Variants in POLRMT observed in about 807,000 individuals in gnomAD.
The protein encoded by POLRMT is DNA-directed RNA polymerase, mitochondrial.
In POLRMT, 114 loss-of-function variants were observed where a neutral mutation model predicts 132.2. That is an observed-to-expected ratio of 0.86 (90% CI 0.74 to 1.01). The LOEUF (loss-of-function observed/expected upper bound fraction) is 1.01, where lower values mean the gene tolerates loss of function less well. POLRMT is among the 50% of genes least tolerant of loss of function. The pLI is 0.00. For missense variants in POLRMT, 2,003 were observed against 1,729.1 expected (o/e 1.16, Z -2.81); for synonymous variants, 1,020 against 773.4 (o/e 1.32, Z -5.29).
chr19:621,975 A>C, intron 9 of POLRMT, 129 bp from the exon 10 acceptor site: 2 of 1,252,120 alleles, frequency 1.6e-6, no homozygotes, highest in Non-Finnish European at 2.2e-6. Flanking sequence ...CACGAACAGA[A>C]GCCACCTCCA....
At chr19:628,397 C>T (rs1206018926) in intron 3 of POLRMT, among the ~76,000 whole-genome samples, 2 of 152,218 alleles carry the variant, frequency 1.3e-5, no homozygotes, top group African/African-American at 4.8e-5. Flanking sequence ...AGGAACCAGG[C>T]AGCACGCCGC....
In POLRMT at chr19:622,590, C is replaced by T. The variant is rs1181060575; in HGVS notation, c.1618G>A (p.Asp540Asn). Residue 540 changes from aspartate to asparagine, a missense_variant, in exon 8 of 21, where the codon GAC (aspartate) becomes AAC (asparagine). By Grantham distance (23) the Asp-to-Asn change is conservative. Coordinates refer to ENST00000588649, the MANE Select transcript of POLRMT (RefSeq NM_005035.4). The part of the protein sequence containing the change: ...YRKYLCLLAS[D>N]AEVPEPCLPR... ...GGGGGTGCGAGCCTCACCTCGGCGT[C>T]GGAGGCCAGCAAGCAGAGGTACTTC... 2 of 1,600,714 alleles carry T rather than the reference C, an allele frequency of 1.2e-6. No individual in the cohort carries two copies. Among genetic ancestry groups the T allele is most frequent in the Non-Finnish European group, 1.7e-6 (2 of 1,173,708 alleles).
chr19:623,923 A>T (rs1383844002), intron 5 of POLRMT, among the ~76,000 whole-genome samples: 1 of 152,142 alleles, frequency 6.6e-6, no homozygotes, highest in African/African-American at 2.4e-5. Flanking sequence ...TTCTCCTCAA[A>T]CTCAGAACTG....
intron 3 of POLRMT, among the ~76,000 whole-genome samples, 200 bp downstream of exon 3, chr19:629,340 G>C (rs1435661111): frequency 6.6e-5 from 10 of 152,130 alleles, no homozygotes; most frequent in Non-Finnish European, 1.5e-4. Flanking sequence ...GGCATTAGCA[G>C]AATTTCTCCC....
At chr19:624,957 C>T (rs2144653443) in intron 4 of POLRMT, 52 bp from the exon 5 acceptor site, 1 of 1,563,196 alleles carries the variant, frequency 6.4e-7, no homozygotes, top group South Asian at 1.2e-5. Context: ...CGCTGGGCTT[C>T]CACAGACCCC....
intron 2 of POLRMT, among the ~76,000 whole-genome samples, chr19:631,155 T>TC (rs1309411638): frequency 9.6e-5 from 14 of 145,182 alleles, no homozygotes; most frequent in Non-Finnish European, 2.2e-4. Context: ...CAATAATCCA[T>TC]CTAAAAAAAA....
At position 624,720 on chromosome 19, in the gene POLRMT, T is replaced by A. The variant is rs778829356; in HGVS notation, c.1139A>T (p.Lys380Met). The change falls in exon 5 of 21, where the codon AAG becomes ATG. Residue 380 changes from lysine (K) to methionine (M), a missense_variant and splice_region_variant. By Grantham distance (95) the Lys-to-Met change is moderately conservative. Coordinates refer to ENST00000588649, the MANE Select transcript of POLRMT (RefSeq NM_005035.4). ...CTGCCGGGGCCCACGTGGGCTCACC[T>A]TGGCATACACGTCCCTGAGCAGCTT... is the stretch of plus-strand genomic sequence containing the variant. The part of the protein sequence containing the change: ...TSKLLRDVYA[K>M]DGRVSYPKLH... 4 of 1,612,694 alleles carry A rather than the reference T, an allele frequency of 2.5e-6. No homozygotes were observed. The South Asian group carries it at 4.4e-5, about 18-fold the overall frequency.
chr19:631,572 G>A (rs1377616366), intron 2 of POLRMT, among the ~76,000 whole-genome samples: 2 of 151,870 alleles, frequency 1.3e-5, no homozygotes, highest in Admixed American at 1.3e-4. Context: ...TCGGGAGGCG[G>A]AGGCTGCAGT....
chr19:619,872 G>T, intron 12 of POLRMT, 86 bp downstream of exon 12: 1 of 1,583,450 alleles, frequency 6.3e-7, no homozygotes, highest in Non-Finnish European at 8.6e-7. Flanking sequence ...CTCAGGACAG[G>T]CCAAGGTGAG....
In POLRMT at chr19:621,207, G is replaced by A. The variant is rs751661059; in HGVS notation, c.2491C>T (p.Arg831Cys). The change falls in exon 10 of 21, where the codon CGC (arginine) becomes TGC (cysteine). Residue 831 changes from arginine to cysteine, a missense_variant. Physicochemically the swap from Arg to Cys is radical, Grantham distance 180 (BLOSUM62 -3). Transcript: ENST00000588649. ...TCCAGGCCGTGCGGGCCGAGCGGGCGGCCCTGGGCGAACTCCAGCAGGGCC... is the reference window on the plus strand; with the variant it reads ...TCCAGGCCGTGCGGGCCGAGCGGGCAGCCCTGGGCGAACTCCAGCAGGGCC... ...ARALLEFAQG[R>C]PLGPHGLDWL... is the part of the protein sequence containing the mutation. 13 of 1,610,176 alleles carry A rather than the reference G, an allele frequency of 8.1e-6. No homozygotes were observed. Among genetic ancestry groups the A allele is most frequent in the African/African-American group, 2.7e-5 (2 of 74,770 alleles).
Position 622,837 on chromosome 19 carries a change from A to C in POLRMT, c.1439T>G (p.Val480Gly), listed in dbSNP as rs139063297. ...FLCLLDEREV[V>G]RMLLQVLQAL... ...AAGACGCACCTGCAGGAGCATCCGC[A>C]CCACCTCGCGCTCGTCCAGCAGGCA... Residue 480 changes from valine (V) to glycine (G), a missense_variant, in exon 7 of 21, where the codon GTG (valine) becomes GGG (glycine). Transcript: ENST00000588649. 11 of 1,599,130 alleles carry C rather than the reference A, an allele frequency of 6.9e-6. No homozygotes were observed. Among genetic ancestry groups the C allele is most frequent in the Admixed American group, 3.4e-5 (2 of 58,116 alleles).
At chr19:632,292 C>T (rs1171800372) in intron 2 of POLRMT, among the ~76,000 whole-genome samples, 3 of 152,214 alleles carry the variant, frequency 2.0e-5, no homozygotes, top group Non-Finnish European at 2.9e-5. Context: ...GCCTAATGGA[C>T]GCAGACAGGA....
At chr19:631,736 C>CT (rs1036653058) in intron 2 of POLRMT, among the ~76,000 whole-genome samples, 3 of 152,114 alleles carry the variant, frequency 2.0e-5, no homozygotes, top group African/African-American at 7.2e-5. Context: ...CAGTTGAGAG[C>CT]TTTGTTTTGT....
Position 633,256 on chromosome 19 carries a change from A to C in POLRMT, c.88+169T>G, listed in dbSNP as rs1188288132. ...AGTCAAAGGTCAGACTGCACGGAGG[A>C]GCCTCAGTCGAAAAGCGGGCAAGGG... On this transcript the variant is annotated intron_variant, in intron 1 of 20. Transcript: ENST00000588649. 3 of 819,846 alleles carry C rather than the reference A, an allele frequency of 3.7e-6. No individual in the cohort carries two copies. In the African/African-American group the frequency reaches 5.6e-5, roughly 15 times the overall value. 50.8% of individuals were successfully genotyped at this position (819,846 alleles called of 1,614,324 possible).
At position 622,747 on chromosome 19, in the gene POLRMT, C is replaced by T. The variant is rs778735469; in HGVS notation, c.1461G>A (p.Leu487=). 13 of 1,588,090 alleles carry T rather than the reference C, an allele frequency of 8.2e-6. No individual in the cohort carries two copies. In the Admixed American group the frequency reaches 1.2e-4, roughly 15 times the overall value. The change falls in exon 8 of 21, where the codon CTG becomes CTA. Residue 487 remains leucine, a synonymous_variant. Transcript: ENST00000588649. The part of the protein sequence containing the change: ...REVVRMLLQV[L]QALPAQGESF... ...ACTCACCTTGGGCGGGCAGCGCCTGCAGGACCTGCGGAAGGCAGCCGTGAG... is the reference window on the plus strand; with the variant it reads ...ACTCACCTTGGGCGGGCAGCGCCTGTAGGACCTGCGGAAGGCAGCCGTGAG...
At position 631,344 on chromosome 19, in the gene POLRMT, G is replaced by GC. The variant is rs773742440; in HGVS notation, c.194-1177_194-1176insG. 4.1e-4 allele frequency among the ~76,000 whole-genome samples: 61 copies of GC among 150,466 alleles called. 2 individuals carry two copies. The East Asian group carries it at 9.1e-3, about 22-fold the overall frequency. ...CCCTGTCTCAAAAAAAAAAAGGGGG[G>GC]GGGGGACCCAGGTGTCCAGATGTGG... On this transcript the variant is annotated intron_variant, in intron 2 of 20. Coordinates refer to ENST00000588649, the MANE Select transcript of POLRMT (RefSeq NM_005035.4).
At position 617,637 on chromosome 19, in the gene POLRMT, C is replaced by T; in HGVS notation, c.3514G>A (p.Val1172Ile). 6.2e-7 allele frequency: 1 copy of T among 1,612,520 alleles called. No individual in the cohort carries two copies. Among genetic ancestry groups the T allele is most frequent in the Non-Finnish European group, 8.5e-7 (1 of 1,179,974 alleles). ...AGGATGGGCTCGCTGTGCAAGCGGACAAACTGCTCCCGGCACACCTGGGCA... is the reference window on the plus strand; with the variant it reads ...AGGATGGGCTCGCTGTGCAAGCGGATAAACTGCTCCCGGCACACCTGGGCA... ...VMNQVCREQF[V>I]RLHSEPILQD... The change falls in exon 19 of 21, where the codon GTC becomes ATC. Residue 1172 changes from valine (V) to isoleucine (I), a missense_variant. Transcript: ENST00000588649.
At chr19:630,667 AC>A (rs891373876) in intron 2 of POLRMT, among the ~76,000 whole-genome samples, 4 of 151,068 alleles carry the variant, frequency 2.6e-5, no homozygotes, top group Admixed American at 6.6e-5. Context: ...GCAAGTTCGC[AC>A]CCCGCCTCAG....
In POLRMT at chr19:627,042, G is replaced by GC. The variant is rs537407783; in HGVS notation, c.823-1789_823-1788insG. Among the ~76,000 whole-genome samples the GC allele has an allele frequency of 1.7e-3, 254 of 151,854 alleles. 1 individual carries two copies. Among genetic ancestry groups the GC allele is most frequent in the African/African-American group, 5.8e-3 (242 of 41,416 alleles). On this transcript the variant is annotated intron_variant, in intron 3 of 20. Coordinates refer to ENST00000588649, the MANE Select transcript of POLRMT (RefSeq NM_005035.4). ...GTAACTGTAACAGACTATTCCAAAG[G>GC]GAAAAAAATTCCCTTACATCCTCCC...
Sources: gnomAD v4.1 joint callset for allele counts (sites outside exome capture counted in the v4.1 genomes callset) on GRCh38, gnomAD v4.1.1 for gene constraint, MANE v1.5 for transcripts, NCBI Gene and HGNC (gene_info 2026-07-23, HGNC 2026-07-21) for gene names.